The following HR variants were observed in gnomAD, a reference collection of about 807,000 sequenced individuals.
HR encodes lysine-specific demethylase hairless.
Under a neutral mutation model 128.6 loss-of-function variants are expected in HR, and 83 were observed. That is an observed-to-expected ratio of 0.65 (90% confidence interval 0.54 to 0.77). The LOEUF (loss-of-function observed/expected upper bound fraction) is 0.77. HR is among the 30% of genes least tolerant of loss of function. HR has a pLI of 0.00. For synonymous variants in HR, 681 were observed against 658.2 expected (o/e 1.03, Z -0.53); for missense variants, 1,490 against 1,574.6 (o/e 0.95, Z 0.91).
chr8:22,119,559 A>C (rs1447801641), intron 14 of HR, among the ~76,000 whole-genome samples: 4 of 151,932 alleles, frequency 2.6e-5, no homozygotes, highest in Non-Finnish European at 5.9e-5. Flanking sequence ...GTGAGCCGAG[A>C]TAGTGCCATT....
At position 22,127,789 on chromosome 8, in the gene HR, T is replaced by C. The variant is rs760032849; in HGVS notation, c.653A>G (p.Lys218Arg). The C allele has an allele frequency of 1.9e-6, 3 of 1,599,120 alleles. No individual in the cohort carries two copies. The highest frequency in any genetic ancestry group is 2.7e-5 in the African/African-American group (2 of 74,934). ...YKDPSIPRLA[K>R]EPLAAAEPGL... ...AGGTTCCGCAGCTGCCAAGGGCTCCTTTGCCAACCTGGGAATGCTCGGATC... is the reference window on the plus strand; with the variant it reads ...AGGTTCCGCAGCTGCCAAGGGCTCCCTTGCCAACCTGGGAATGCTCGGATC... Residue 218 changes from lysine (K) to arginine (R), a missense_variant, in exon 3 of 19, where the codon AAG becomes AGG. Lys to Arg is a conservative substitution (Grantham distance 26). This residue lies in a region of HR where 1,060 missense variants were observed against 1,060.9 expected (regional missense o/e 1.00). Coordinates refer to ENST00000381418, the MANE Select transcript of HR (RefSeq NM_005144.5).
rs746916573 is a variant in HR, at chr8:22,121,194, G to T, written c.2238C>A (p.Asp746Glu). ...TPDSAETPAE[D>E]RAGRGPLPCP... Reference sequence around the variant, plus strand: ...AAGGCAGGGGCCCTCGGCCAGCACGGTCCTCTGCTGGGGTCTCAGCGGAAT... The same window carrying T: ...AAGGCAGGGGCCCTCGGCCAGCACGTTCCTCTGCTGGGGTCTCAGCGGAAT... Residue 746 changes from aspartate (D) to glutamate (E), a missense_variant, in exon 10 of 19, where the codon GAC becomes GAA. Physicochemically the swap from Asp to Glu is conservative, Grantham distance 45. Around this residue, in one of 3 missense-constraint regions of HR, gnomAD observed 1,060 missense variants for 1,060.9 expected, o/e 1.00. Transcript: ENST00000381418. 2.5e-6 allele frequency: 4 copies of T among 1,613,938 alleles called. No homozygotes were observed. Among genetic ancestry groups the T allele is most frequent in the Non-Finnish European group, 3.4e-6 (4 of 1,180,038 alleles).
intron 1 of HR, among the ~76,000 whole-genome samples, chr8:22,129,757 G>A (rs1586389204): frequency 6.6e-6 from 1 of 152,208 alleles, no homozygotes; most frequent in East Asian, 1.9e-4. Flanking sequence ...TGCAGGCCTG[G>A]CAGGCTGGAG....
rs202130196 is a variant in HR, at chr8:22,116,252, G to A, written c.3507+48C>T. On this transcript the variant is annotated intron_variant, in intron 18 of 18. Transcript: ENST00000381418. The surrounding 1 kb of genome is among the most constrained non-coding windows in gnomAD (Gnocchi z 4.2). ...CACTGCAGCTGTGGCACAGGGAGGTGGGAGGCTTGGGTAGCACACCCAGCC... is the reference window on the plus strand; with the variant it reads ...CACTGCAGCTGTGGCACAGGGAGGTAGGAGGCTTGGGTAGCACACCCAGCC... 14 of 1,610,662 alleles carry A rather than the reference G, an allele frequency of 8.7e-6. No individual in the cohort carries two copies. Among genetic ancestry groups the A allele is most frequent in the Middle Eastern group, 2.2e-4 (1 of 4,464 alleles).
At position 22,121,705 on chromosome 8, in the gene HR, C is replaced by T. The variant is rs766915516; in HGVS notation, c.2122-11G>A. On this transcript the variant is annotated splice_polypyrimidine_tract_variant and intron_variant, in intron 8 of 18. Coordinates refer to ENST00000381418, the MANE Select transcript of HR (RefSeq NM_005144.5). Reference sequence around the variant, plus strand: ...CTGTGTTGATTCCTTCTGTTAAACCCATCCACCACCCCCCCAATCCAACCA... The same window carrying T: ...CTGTGTTGATTCCTTCTGTTAAACCTATCCACCACCCCCCCAATCCAACCA... 6.2e-7 allele frequency: 1 copy of T among 1,613,522 alleles called. No homozygotes were observed. Among genetic ancestry groups the T allele is most frequent in the Admixed American group, 1.7e-5 (1 of 60,016 alleles).
At chr8:22,129,989 G>GC (rs1827008114) in intron 1 of HR, among the ~76,000 whole-genome samples, 2 of 152,208 alleles carry the variant, frequency 1.3e-5, no homozygotes, top group Admixed American at 6.5e-5. Context: ...GGGTCAAGCT[G>GC]CCCTAGCCCA....
chr8:22,115,765 A>G lies in HR; in HGVS notation c.3508-3T>C. 2 of 1,613,916 alleles carry G rather than the reference A, an allele frequency of 1.2e-6. No homozygotes were observed. Among genetic ancestry groups the G allele is most frequent in the African/African-American group, 1.3e-5 (1 of 74,964 alleles). ...GCTTGGAACACAGCCCAGTCCATCT[A>G]GGAAAAAGAGAGAGGACAAAGCATT... On this transcript the variant is annotated splice_region_variant and splice_polypyrimidine_tract_variant and intron_variant, in intron 18 of 18. Transcript: ENST00000381418.
Position 22,127,121 on chromosome 8 carries a change from G to T in HR, c.1321C>A (p.Gln441Lys). The change falls in exon 3 of 19, where the codon CAG (glutamine) becomes AAG (lysine). Residue 441 changes from glutamine to lysine, a missense_variant. This residue lies in a region of HR where 1,060 missense variants were observed against 1,060.9 expected (regional missense o/e 1.00). Transcript: ENST00000381418. ...PPDPFPGTAE[Q>K]GAGGWQEVRD... The stretch of plus-strand genomic sequence containing the variant: ...ACCTCCTGCCAACCCCCAGCCCCCT[G>T]TTCTGCAGTGCCTGGAAAAGGGTCC... 6.2e-7 allele frequency: 1 copy of T among 1,611,770 alleles called. No homozygotes were observed. The highest frequency in any genetic ancestry group is 1.1e-5 in the South Asian group (1 of 91,002).
intron 6 of HR, 29 bp downstream of exon 6, chr8:22,123,620 C>A: frequency 2.4e-5 from 7 of 293,772 alleles, no homozygotes; most frequent in South Asian, 5.5e-5. Context: ...GGCTCCATCC[C>A]GCCCTCCCAC....
Position 22,129,142 on chromosome 8 carries a change from C to G in HR, c.29G>C (p.Gly10Ala), listed in dbSNP as rs914558440. Residue 10 changes from glycine (G) to alanine (A), a missense_variant, in exon 2 of 19, where the codon GGC becomes GCC. Coordinates refer to ENST00000381418, the MANE Select transcript of HR (RefSeq NM_005144.5). Reference protein sequence around the residue: MESTPSFLKGTPTWEKTAPE... With the variant: MESTPSFLKATPTWEKTAPE... Reference sequence around the variant, plus strand: ...GGCCGTCTTCTCCCAGGTTGGGGTGCCCTTCAGGAAGCTGGGCGTACTCTC... The same window carrying G: ...GGCCGTCTTCTCCCAGGTTGGGGTGGCCTTCAGGAAGCTGGGCGTACTCTC... 4 of 1,550,158 alleles carry G rather than the reference C, an allele frequency of 2.6e-6. No individual in the cohort carries two copies. The African/African-American group carries it at 5.5e-5, about 21-fold the overall frequency.
At position 22,119,023 on chromosome 8, in the gene HR, C is replaced by T. The variant is rs776155420; in HGVS notation, c.3140G>A (p.Gly1047Asp). 2 of 1,613,062 alleles carry T rather than the reference C, an allele frequency of 1.2e-6. No homozygotes were observed. Among genetic ancestry groups the T allele is most frequent in the African/African-American group, 2.7e-5 (2 of 74,922 alleles). Reference sequence around the variant, plus strand: ...GTGCCACACAGTGCTGACCTGGCTGCCCGGAGACCAGAGCCCCTCCCCGTC... The same window carrying T: ...GTGCCACACAGTGCTGACCTGGCTGTCCGGAGACCAGAGCCCCTCCCCGTC... ...GLDGEGLWSPGSQVSTVWHVF... is the reference protein window; with the variant it reads ...GLDGEGLWSPDSQVSTVWHVF... The change falls in exon 16 of 19, where the codon GGC (glycine) becomes GAC (aspartate). Residue 1047 changes from glycine (G) to aspartate (D), a missense_variant. Transcript: ENST00000381418.
At chr8:22,123,617 T>TACCCCCCCCCC in intron 6 of HR, 32 bp downstream of exon 6, 3 of 292,092 alleles carry the variant, frequency 1.0e-5, no homozygotes, top group Non-Finnish European at 6.2e-6. Context: ...GAGGGCTCCA[T>TACCCCCCCCCC]CCCGCCCTCC....
chr8:22,120,328 T>TCTC lies in HR; in HGVS notation c.2776+13_2776+14insGAG. The TCTC allele has an allele frequency of 6.2e-7, 1 of 1,613,682 alleles. No individual in the cohort carries two copies. The highest frequency in any genetic ancestry group is 1.1e-5 in the South Asian group (1 of 91,084). On this transcript the variant is annotated intron_variant, in intron 12 of 18. Coordinates refer to ENST00000381418, the MANE Select transcript of HR (RefSeq NM_005144.5). ...GGCTCCCAGCTCCCTCTCCCCTGTG[T>TCTC]TGGGGACACTTACGCTCAGGCCAGG...
chr8:22,123,911 A>C, intron 5 of HR, 98 bp from the exon 6 acceptor site: 1 of 1,400,182 alleles, frequency 7.1e-7, no homozygotes, highest in Non-Finnish European at 9.8e-7. Flanking sequence ...AGGAGAAGCA[A>C]GGAGCAGCTT....
intron 8 of HR, 119 bp downstream of exon 8, chr8:22,122,374 G>T: frequency 1.4e-6 from 1 of 717,764 alleles, no homozygotes. Flanking sequence ...GTGGGAATTA[G>T]CCTGATCCCA....
At chr8:22,125,126 G>A (rs1050322828) in intron 5 of HR, among the ~76,000 whole-genome samples, 185 bp downstream of exon 5, 10 of 152,312 alleles carry the variant, frequency 6.6e-5, no homozygotes, top group African/African-American at 2.4e-4. Context: ...TTCCCAACAA[G>A]CCCAAAAACT....
rs574475207 is a variant in HR, at chr8:22,119,275, G to T, written c.2986C>A (p.Pro996Thr). ...TTGGTCCCCAGGTGTCCCCGGTGCG[G>T]GCTCACACCTGCATGGCAATAGAGA... ...PQLWAAYGVS[P>T]HRGHLGTKNL... The change falls in exon 15 of 19, where the codon CCG becomes ACG. Residue 996 changes from proline to threonine, a missense_variant. By Grantham distance (38) the Pro-to-Thr change is conservative. Around this residue, in one of 3 missense-constraint regions of HR, gnomAD observed 423 missense variants for 495.9 expected, o/e 0.85. Coordinates refer to ENST00000381418, the MANE Select transcript of HR (RefSeq NM_005144.5). 2.9e-5 allele frequency: 47 copies of T among 1,613,498 alleles called. No homozygotes were observed. The highest frequency in any genetic ancestry group is 3.6e-5 in the Non-Finnish European group (43 of 1,180,034).
intron 7 of HR, 59 bp from the exon 8 acceptor site, chr8:22,122,667 T>C (rs1488526623): frequency 1.3e-6 from 2 of 1,502,722 alleles, no homozygotes; most frequent in Non-Finnish European, 1.8e-6. Flanking sequence ...CAACAGGCAG[T>C]CCCGGGCAGC....
At chr8:22,125,763 G>A in intron 3 of HR, 31 bp from the exon 4 acceptor site, 1 of 1,611,742 alleles carries the variant, frequency 6.2e-7, no homozygotes, top group East Asian at 2.2e-5. Context: ...TCAGGAATCT[G>A]GGTTTCTTGG....
Sources: allele counts gnomAD v4.1 joint callset (sites outside exome capture counted in the v4.1 genomes callset), GRCh38; gene constraint gnomAD v4.1.1; regional missense constraint gnomAD v4.1.1; non-coding constraint Gnocchi (gnomAD v3.1); transcripts MANE v1.5; gene names NCBI Gene and HGNC (gene_info 2026-07-23, HGNC 2026-07-21).